The following HPSE2 variants were observed in gnomAD, a reference collection of about 807,000 sequenced individuals.
HPSE2 encodes inactive heparanase-2.
Under a neutral mutation model 60.5 loss-of-function variants are expected in HPSE2, and 38 were observed. That is an observed-to-expected ratio of 0.63 (90% CI 0.48 to 0.82). The LOEUF (loss-of-function observed/expected upper bound fraction) is 0.82. Among genes scored for constraint, HPSE2 ranks in the 40% least tolerant of loss-of-function variants. The pLI is 0.00. For missense variants in HPSE2, 713 were observed against 740.4 expected (o/e 0.96, Z 0.43); for synonymous variants, 295 against 293.2 (o/e 1.01, Z -0.06).
chr10:98,865,255 T>C (rs1952560631), intron 3 of HPSE2, among the ~76,000 whole-genome samples: 1 of 152,144 alleles, frequency 6.6e-6, no homozygotes, highest in Admixed American at 6.6e-5. Flanking sequence ...GTATGTTAAC[T>C]GATTCCTAAG....
chr10:98,814,891 C>T (rs1326670967), intron 3 of HPSE2, among the ~76,000 whole-genome samples: 1 of 152,220 alleles, frequency 6.6e-6, no homozygotes, highest in Non-Finnish European at 1.5e-5. Flanking sequence ...AATTTAAAAA[C>T]ACTCAAGAGA....
intron 3 of HPSE2, among the ~76,000 whole-genome samples, chr10:99,128,958 T>C (rs527460077): frequency 6.6e-6 from 1 of 152,176 alleles, no homozygotes; most frequent in South Asian, 2.1e-4. Context: ...GAAAAAAAGA[T>C]ATCCCATGCA....
At chr10:99,103,532 C>G (rs557689598) in intron 3 of HPSE2, among the ~76,000 whole-genome samples, 1 of 152,060 alleles carries the variant, frequency 6.6e-6, no homozygotes, top group Non-Finnish European at 1.5e-5. Context: ...TAGGAAGAAT[C>G]GATATCGTGA....
intron 2 of HPSE2, among the ~76,000 whole-genome samples, chr10:99,222,042 G>A (rs1281507906): frequency 2.6e-5 from 4 of 152,092 alleles, no homozygotes; most frequent in Non-Finnish European, 5.9e-5. Flanking sequence ...GATGAAAACA[G>A]TCACAAGGGA....
At position 98,859,822 on chromosome 10, in the gene HPSE2, T is replaced by A. The variant is rs568462699; in HGVS notation, c.611-115766A>T. On this transcript the variant is annotated intron_variant, in intron 3 of 11. Coordinates refer to ENST00000370552, the MANE Select transcript of HPSE2 (RefSeq NM_021828.5). ...TAAATTTCCTATATATAAACAGTAG[T>A]CTTGCCTTATCTGAGGTTTCACTTT... Among the ~76,000 whole-genome samples, 15 of 152,306 alleles carry A rather than the reference T, an allele frequency of 9.8e-5. No individual in the cohort carries two copies. The East Asian group carries it at 2.9e-3, about 29-fold the overall frequency.
intron 9 of HPSE2, among the ~76,000 whole-genome samples, chr10:98,608,253 G>A (rs149001019): frequency 2.0e-5 from 3 of 152,280 alleles, no homozygotes; most frequent in Admixed American, 2.0e-4. Context: ...TTTCACAGAG[G>A]AAGAAATGAA....
intron 3 of HPSE2, among the ~76,000 whole-genome samples, chr10:99,099,784 T>C (rs1252482759): frequency 2.0e-5 from 3 of 152,162 alleles, no homozygotes; most frequent in African/African-American, 7.2e-5. Flanking sequence ...GGTATCCCTC[T>C]GAGACGAAGC....
chr10:98,465,682 G>A (rs1240238004), intron 11 of HPSE2, among the ~76,000 whole-genome samples: 1 of 152,080 alleles, frequency 6.6e-6, no homozygotes, highest in African/African-American at 2.4e-5. Context: ...CCAGGATTAT[G>A]TTTCTTTCTT....
At chr10:98,637,730 T>C (rs1946533590) in intron 7 of HPSE2, among the ~76,000 whole-genome samples, 1 of 152,150 alleles carries the variant, frequency 6.6e-6, no homozygotes, top group Non-Finnish European at 1.5e-5. Flanking sequence ...AATCTGCCCC[T>C]TTTCTACCAC....
chr10:99,262,939 C>A, the HPSE2 span, among the ~76,000 whole-genome samples: 7 of 152,194 alleles, frequency 4.6e-5, no homozygotes, highest in Non-Finnish European at 7.3e-5. Context: ...CTTGAGTCAT[C>A]CCAACCTTCT....
intron 3 of HPSE2, among the ~76,000 whole-genome samples, chr10:98,755,491 C>A (rs1400816638): frequency 1.3e-5 from 2 of 152,120 alleles, no homozygotes; most frequent in African/African-American, 4.8e-5. Context: ...TATTTGGGAA[C>A]TAAAACTCAG....
intron 3 of HPSE2, among the ~76,000 whole-genome samples, chr10:98,745,354 C>T (rs1177807770): frequency 6.6e-6 from 1 of 152,168 alleles, no homozygotes; most frequent in Non-Finnish European, 1.5e-5. Flanking sequence ...ACTTGGATAA[C>T]TTACTATAAT....
chr10:98,764,916 G>A (rs1277180004), intron 3 of HPSE2, among the ~76,000 whole-genome samples: 2 of 151,972 alleles, frequency 1.3e-5, no homozygotes, highest in Non-Finnish European at 2.9e-5. Context: ...ATTTTCCTTG[G>A]AGAAAGGAAA....
chr10:99,203,273 C>T (rs1457750351), intron 2 of HPSE2, among the ~76,000 whole-genome samples: 1 of 152,012 alleles, frequency 6.6e-6, no homozygotes, highest in Non-Finnish European at 1.5e-5. Flanking sequence ...CTAGACAATC[C>T]CCAGCTCCAA....
chr10:99,229,815 TACTAC>T (rs1849588189), intron 2 of HPSE2, among the ~76,000 whole-genome samples: 1 of 152,228 alleles, frequency 6.6e-6, no homozygotes, highest in African/African-American at 2.4e-5. Context: ...CCCAAGTGCT[TACTAC>T]AGGACCATTT....
At chr10:98,774,691 C>A (rs1383944181) in intron 3 of HPSE2, among the ~76,000 whole-genome samples, 1 of 152,134 alleles carries the variant, frequency 6.6e-6, no homozygotes. Context: ...GTGTTGCTTT[C>A]CCTGAAGTAA....
At chr10:99,089,130 TTACTC>T (rs1843427214) in intron 3 of HPSE2, among the ~76,000 whole-genome samples, 1 of 152,166 alleles carries the variant, frequency 6.6e-6, no homozygotes, top group African/African-American at 2.4e-5. Flanking sequence ...TCTATGCTGT[TTACTC>T]TGCTGATTAT....
At chr10:98,604,401 A>C (rs1945520199) in intron 9 of HPSE2, among the ~76,000 whole-genome samples, 1 of 152,200 alleles carries the variant, frequency 6.6e-6, no homozygotes, top group Non-Finnish European at 1.5e-5. Context: ...CTGAGGAAAT[A>C]ATCTCTGAAT....
rs1016846279 is a variant in HPSE2, at chr10:99,126,400, CCAA to C, written c.610+17835_610+17837del. Reference sequence around the variant, plus strand: ...TAGCTGAACAGAAAAGACAGCTCATCCAAGCTTTATGGCCCCACCCATCGCCTG... The same window carrying C: ...TAGCTGAACAGAAAAGACAGCTCATCGCTTTATGGCCCCACCCATCGCCTG... On this transcript the variant is annotated intron_variant, in intron 3 of 11. Transcript: ENST00000370552. This position sits in a 1 kb window ranked among gnomAD's most constrained non-coding sequence, Gnocchi z 4.0. Among the ~76,000 whole-genome samples, 37 of 152,224 alleles carry C rather than the reference CCAA, an allele frequency of 2.4e-4. No individual in the cohort carries two copies. The highest frequency in any genetic ancestry group is 4.1e-4 in the Non-Finnish European group (28 of 68,020).
Sources: gnomAD v4.1 joint callset for allele counts (sites outside exome capture counted in the v4.1 genomes callset) on GRCh38, gnomAD v4.1.1 for gene constraint, Gnocchi (gnomAD v3.1) non-coding constraint, MANE v1.5 for transcripts, NCBI Gene and HGNC (gene_info 2026-07-23, HGNC 2026-07-21) for gene names.